Variants in CNTNAP5 observed in about 807,000 individuals in gnomAD.
CNTNAP5 encodes contactin associated protein family member 5.
CNTNAP5 carries 72 observed loss-of-function variants against 150.2 expected under a neutral mutation model. That is an observed-to-expected ratio of 0.48 (90% CI 0.40 to 0.58). CNTNAP5 has a LOEUF of 0.58. Among genes scored for constraint, CNTNAP5 ranks in the 20% least tolerant of loss-of-function variants. The pLI is 0.00. For synonymous variants in CNTNAP5, 672 were observed against 619.8 expected (o/e 1.08, Z -1.25); for missense variants, 1,636 against 1,626.2 (o/e 1.01, Z -0.10).
chr2:124,470,046 G>A (rs1190076549), intron 6 of CNTNAP5, among the ~76,000 whole-genome samples: 1 of 152,122 alleles, frequency 6.6e-6, no homozygotes, highest in East Asian at 1.9e-4. Flanking sequence ...ATATGTGCAT[G>A]TATCTTTATA....
chr2:124,232,893 G>T (rs1160795238), intron 2 of CNTNAP5, among the ~76,000 whole-genome samples: 3 of 152,052 alleles, frequency 2.0e-5, no homozygotes, highest in African/African-American at 2.4e-5. Context: ...CACACTGGTT[G>T]AAAAATATTA....
At chr2:124,169,023 G>C (rs1176441596) in intron 1 of CNTNAP5, among the ~76,000 whole-genome samples, 1 of 151,928 alleles carries the variant, frequency 6.6e-6, no homozygotes, top group Non-Finnish European at 1.5e-5. Flanking sequence ...TGCCCACTTA[G>C]AATCAGTAGG....
intron 4 of CNTNAP5, among the ~76,000 whole-genome samples, chr2:124,432,077 T>A (rs189821979): frequency 4.4e-4 from 67 of 152,214 alleles, no homozygotes; most frequent in Middle Eastern, 3.4e-3. Flanking sequence ...GTGGACAGGA[T>A]GTATATAATT....
chr2:124,533,458 A>G (rs772199785), intron 10 of CNTNAP5, among the ~76,000 whole-genome samples: 2 of 152,190 alleles, frequency 1.3e-5, no homozygotes, highest in African/African-American at 2.4e-5. Context: ...TCTGAGAACA[A>G]TGCTGTAAAG....
intron 2 of CNTNAP5, among the ~76,000 whole-genome samples, chr2:124,232,607 C>T (rs1477490104): frequency 1.3e-5 from 2 of 152,074 alleles, no homozygotes; most frequent in Non-Finnish European, 2.9e-5. Flanking sequence ...TTCATGGTGA[C>T]CCCCTCCTCA....
intron 1 of CNTNAP5, among the ~76,000 whole-genome samples, chr2:124,150,340 A>G (rs1342304089): frequency 6.6e-6 from 1 of 152,208 alleles, no homozygotes; most frequent in Non-Finnish European, 1.5e-5. Flanking sequence ...GCATTCATTG[A>G]CTAACTTACC....
intron 1 of CNTNAP5, among the ~76,000 whole-genome samples, chr2:124,195,134 G>T (rs1685553358): frequency 6.6e-6 from 1 of 152,184 alleles, no homozygotes; most frequent in African/African-American, 2.4e-5. Flanking sequence ...GCAAGGATGA[G>T]AATTCACTGA....
At chr2:124,320,954 T>C (rs1358005169) in intron 3 of CNTNAP5, among the ~76,000 whole-genome samples, 1 of 152,140 alleles carries the variant, frequency 6.6e-6, no homozygotes, top group East Asian at 1.9e-4. Flanking sequence ...GGGTTGAGTT[T>C]AAGGGAAGAT....
intron 21 of CNTNAP5, among the ~76,000 whole-genome samples, chr2:124,876,034 G>A (rs985116736): frequency 1.3e-5 from 2 of 152,084 alleles, no homozygotes; most frequent in Admixed American, 6.6e-5. Flanking sequence ...CTCCACATTT[G>A]ACTGCTTACC....
At chr2:124,177,187 G>A (rs551551614) in intron 1 of CNTNAP5, among the ~76,000 whole-genome samples, 12 of 152,176 alleles carry the variant, frequency 7.9e-5, no homozygotes, top group South Asian at 4.1e-4. Context: ...ACAGAAAGGC[G>A]GGAGGAAAGT....
At chr2:124,117,251 C>T (rs1683449600) in intron 1 of CNTNAP5, among the ~76,000 whole-genome samples, 1 of 152,208 alleles carries the variant, frequency 6.6e-6, no homozygotes, top group Non-Finnish European at 1.5e-5. Flanking sequence ...CACCTCTCCT[C>T]ACATTTCCTA....
chr2:124,694,127 T>C (rs1211808000), intron 13 of CNTNAP5, among the ~76,000 whole-genome samples: 3 of 152,202 alleles, frequency 2.0e-5, no homozygotes, highest in South Asian at 4.1e-4. Flanking sequence ...TTAAAACTCC[T>C]GAGCTTCCCC....
chr2:124,222,728 G>GT (rs200668983), intron 2 of CNTNAP5, among the ~76,000 whole-genome samples: 7,258 of 139,064 alleles, frequency 0.052, 559 homozygotes, highest in African/African-American at 0.17. Flanking sequence ...TGGTCGTTGT[G>GT]TTTTTTTTTT....
At chr2:124,320,044 G>A (rs1689061134) in intron 3 of CNTNAP5, among the ~76,000 whole-genome samples, 2 of 152,294 alleles carry the variant, frequency 1.3e-5, no homozygotes, top group South Asian at 2.1e-4. Context: ...CCACGGTACA[G>A]GTATGTTACA....
chr2:124,337,067 T>C (rs1262064811), intron 3 of CNTNAP5, among the ~76,000 whole-genome samples: 15 of 152,056 alleles, frequency 9.9e-5, no homozygotes, highest in African/African-American at 1.4e-4. Context: ...GATGGCCATT[T>C]TAACTGGTGT....
chr2:124,537,021 G>T (rs1695248486), intron 10 of CNTNAP5, among the ~76,000 whole-genome samples: 1 of 151,200 alleles, frequency 6.6e-6, no homozygotes, highest in African/African-American at 2.4e-5. Context: ...GACAATGTGT[G>T]GTGTGTGTGT....
At chr2:124,219,735 T>C (rs773607487) in intron 1 of CNTNAP5, among the ~76,000 whole-genome samples, 41 of 152,158 alleles carry the variant, frequency 2.7e-4, no homozygotes, top group Non-Finnish European at 5.1e-4. Context: ...GTGATTATTA[T>C]ATGTTTTTTT....
At chr2:124,730,057 A>G (rs150208563) in intron 13 of CNTNAP5, among the ~76,000 whole-genome samples, 390 of 152,206 alleles carry the variant, frequency 2.6e-3, no homozygotes, top group African/African-American at 8.8e-3. Flanking sequence ...AATGTAGTAT[A>G]TCATGTTATT....
intron 3 of CNTNAP5, among the ~76,000 whole-genome samples, chr2:124,308,829 G>A (rs1688752982): frequency 6.6e-6 from 1 of 152,218 alleles, no homozygotes; most frequent in South Asian, 2.1e-4. Context: ...GCTTTGGGAA[G>A]TAGTAAAAGA....
Sources: gnomAD v4.1 joint callset for allele counts (sites outside exome capture counted in the v4.1 genomes callset) on GRCh38, gnomAD v4.1.1 for gene constraint, MANE v1.5 for transcripts, NCBI Gene and HGNC (gene_info 2026-07-23, HGNC 2026-07-21) for gene names.